Variants in IL13RA1 observed in about 807,000 individuals in gnomAD.
The protein encoded by IL13RA1 is interleukin-13 receptor subunit alpha-1.
Under a neutral mutation model 33.8 loss-of-function variants are expected in IL13RA1, and 14 were observed. The observed-to-expected ratio is 0.41, with a 90% confidence interval of 0.27 to 0.65. IL13RA1 has a LOEUF of 0.65. Ranked by LOEUF, IL13RA1 falls within the 30% of genes least tolerant of loss-of-function variation. The pLI, the probability that IL13RA1 is intolerant of heterozygous loss-of-function variation, is 0.28. For synonymous variants in IL13RA1, 116 were observed against 115.7 expected (o/e 1.00, Z -0.02); for missense variants, 313 against 327.0 (o/e 0.96, Z 0.33).
At chrX:118,787,168 G>A (rs765242706) in intron 10 of IL13RA1, among the ~76,000 whole-genome samples, 25 of 111,653 alleles carry the variant, frequency 2.2e-4, no homozygotes, top group African/African-American at 8.1e-4. Flanking sequence ...TTCAACGTAA[G>A]TTCTTTTCTA....
intron 6 of IL13RA1, chrX:118,761,498 C>T: frequency 3.6e-6 from 1 of 280,609 alleles, no homozygotes; most frequent in Non-Finnish European, 6.2e-6. Context: ...ATTTATTCAT[C>T]TGTAAGCTTC....
Position 118,747,049 on chromosome X carries a change from G to T in IL13RA1, c.324G>T (p.Glu108Asp). The T allele has an allele frequency of 8.6e-7, 1 of 1,167,436 alleles. No individual in the cohort carries two copies. The highest frequency in any genetic ancestry group is 1.2e-6 in the Non-Finnish European group (1 of 856,720). ...CCCAGTGTAGCACCAATGAGAGTGA[G>T]AAGCCTAGCATTTTGGTTGAAAAAT... ...VGSQCSTNESEKPSILVEKCI... is the reference protein window; with the variant it reads ...VGSQCSTNESDKPSILVEKCI... Residue 108 changes from glutamate to aspartate, a missense_variant, in exon 3 of 11, where the codon GAG (glutamate) becomes GAT (aspartate). Glu to Asp is a conservative substitution (Grantham distance 45, BLOSUM62 2). Transcript: ENST00000371666.
chrX:118,770,372 G>A (rs961450076), intron 8 of IL13RA1: 10 of 371,741 alleles, frequency 2.7e-5, no homozygotes, highest in Middle Eastern at 4.0e-4. Flanking sequence ...TGCATCACCC[G>A]GTAGACCAAC....
At position 118,727,627 on chromosome X, in the gene IL13RA1, G is replaced by T; in HGVS notation, c.-12G>T. 1.1e-6 allele frequency: 1 copy of T among 917,461 alleles called. No individual in the cohort carries two copies. Among genetic ancestry groups the T allele is most frequent in the Non-Finnish European group, 1.4e-6 (1 of 737,205 alleles). The allele number at this position is 917,461 out of a possible 1,213,427, so 75.6% of individuals were successfully genotyped here. A position where few individuals can be genotyped will look rare whatever the true frequency, so the allele number is the denominator to read the frequency against. ...GGCTCCAGCCCGGCCGGGCTCCGAGGCGAGAGGCTGCATGGAGTGGCCGGC... is the reference window on the plus strand; with the variant it reads ...GGCTCCAGCCCGGCCGGGCTCCGAGTCGAGAGGCTGCATGGAGTGGCCGGC... On this transcript the variant is annotated 5_prime_UTR_variant, in exon 1 of 11. Transcript: ENST00000371666.
At chrX:118,739,768 A>G (rs761370093) in intron 1 of IL13RA1, among the ~76,000 whole-genome samples, 1 of 111,083 alleles carries the variant, frequency 9.0e-6, no homozygotes, top group East Asian at 2.8e-4. Flanking sequence ...CTCTAGCTCC[A>G]GCTGTTTAGT....
Position 118,758,196 on chromosome X carries a change from A to T in IL13RA1, c.630A>T (p.Ala210=). ...TCCAAATAATGGTCAAGGATAATGC[A>T]GGAAAAATTAAACCATCCTTCAATA... ...HSVQIMVKDN[A]GKIKPSFNIV... The change falls in exon 5 of 11, where the codon GCA becomes GCT. Residue 210 remains alanine (A), a synonymous_variant. Coordinates refer to ENST00000371666, the MANE Select transcript of IL13RA1 (RefSeq NM_001560.3). The T allele has an allele frequency of 8.8e-7, 1 of 1,133,150 alleles. No homozygotes were observed. Among genetic ancestry groups the T allele is most frequent in the Non-Finnish European group, 1.2e-6 (1 of 832,121 alleles). 93.4% of individuals were successfully genotyped at this position (1,133,150 alleles called of 1,213,427 possible). A position where few individuals can be genotyped will look rare whatever the true frequency, so the allele number is the denominator to read the frequency against.
chrX:118,786,151 G>A (rs1263675616), intron 10 of IL13RA1, among the ~76,000 whole-genome samples: 1 of 109,937 alleles, frequency 9.1e-6, no homozygotes, highest in Non-Finnish European at 1.9e-5. Context: ...GTCACTTTGG[G>A]AGGCTGAGGC....
intron 5 of IL13RA1, among the ~76,000 whole-genome samples, chrX:118,759,959 G>A (rs186525932): frequency 1.8e-5 from 2 of 110,521 alleles, no homozygotes; most frequent in East Asian, 5.7e-4. Flanking sequence ...TTTTTGTAGA[G>A]ACGGGGTTTT....
downstream of IL13RA1, among the ~76,000 whole-genome samples, chrX:118,795,227 A>AAAG (rs1556376044): frequency 3.2e-5 from 3 of 95,008 alleles, no homozygotes; most frequent in Admixed American, 2.4e-4. Context: ...AAAAAAAAAA[A>AAAG]AAAGAAAAAG....
intron 10 of IL13RA1, among the ~76,000 whole-genome samples, chrX:118,790,952 C>T (rs1171250126): frequency 8.9e-6 from 1 of 112,212 alleles, no homozygotes; most frequent in African/African-American, 3.2e-5. Flanking sequence ...CATTCAGTCT[C>T]TGTCACAACT....
chrX:118,760,074 A>G (rs1417930707), intron 5 of IL13RA1, among the ~76,000 whole-genome samples: 1 of 112,477 alleles, frequency 8.9e-6, no homozygotes, highest in African/African-American at 3.2e-5. Context: ...ACACAACATT[A>G]AAATTACCAT....
At chrX:118,732,086 G>A (rs1392259215) in intron 1 of IL13RA1, among the ~76,000 whole-genome samples, 1 of 110,658 alleles carries the variant, frequency 9.0e-6, no homozygotes, top group African/African-American at 3.3e-5. Context: ...TCATTTTTAA[G>A]TACACAGTTC....
chrX:118,744,065 G>C (rs1363984140), intron 2 of IL13RA1, among the ~76,000 whole-genome samples: 1 of 110,742 alleles, frequency 9.0e-6, no homozygotes, highest in African/African-American at 3.3e-5. Flanking sequence ...AGAATCGCTT[G>C]AACCCAGGAG....
chrX:118,777,366 T>C (rs1038814486), intron 10 of IL13RA1, among the ~76,000 whole-genome samples: 2 of 111,844 alleles, frequency 1.8e-5, no homozygotes, highest in East Asian at 5.6e-4. Context: ...TTTTTAAAAA[T>C]TTGAAGGAGA....
intron 4 of IL13RA1, among the ~76,000 whole-genome samples, chrX:118,757,592 A>T (rs1212149064): frequency 2.8e-5 from 3 of 105,331 alleles, no homozygotes; most frequent in Non-Finnish European, 5.8e-5. Context: ...GTCACATTGT[A>T]CAATAGGGTT....
the IL13RA1 span, among the ~76,000 whole-genome samples, chrX:118,803,637 G>T: frequency 9.0e-6 from 1 of 111,294 alleles, no homozygotes; most frequent in Non-Finnish European, 1.9e-5. Context: ...ATCCAATAAG[G>T]CTCACGGTGA....
chrX:118,749,604 T>A, intron 3 of IL13RA1, 54 bp from the exon 4 acceptor site: 2 of 1,141,654 alleles, frequency 1.8e-6, no homozygotes, highest in Non-Finnish European at 2.4e-6. Context: ...AGTGATTTGC[T>A]ACTTTGCATT....
chrX:118,732,778 C>T (rs1422462482), intron 1 of IL13RA1, among the ~76,000 whole-genome samples: 2 of 111,918 alleles, frequency 1.8e-5, no homozygotes, highest in African/African-American at 3.2e-5. Context: ...TGTATATGTG[C>T]CACATTTTCT....
intron 10 of IL13RA1, among the ~76,000 whole-genome samples, chrX:118,781,255 A>G (rs1296743581): frequency 9.0e-6 from 1 of 111,350 alleles, no homozygotes; most frequent in Non-Finnish European, 1.9e-5. Flanking sequence ...TATTTTCAGC[A>G]TTGTGCCATT....
Sources: gnomAD v4.1 joint callset for allele counts (sites outside exome capture counted in the v4.1 genomes callset) on GRCh38, gnomAD v4.1.1 for gene constraint, MANE v1.5 for transcripts, NCBI Gene and HGNC (gene_info 2026-07-23, HGNC 2026-07-21) for gene names.